Variants in PCDHGA3 observed in about 807,000 individuals in gnomAD.
PCDHGA3 encodes the protein protocadherin gamma subfamily A, 3.
PCDHGA3 carries 40 observed loss-of-function variants against 58.5 expected under a neutral mutation model. That is an observed-to-expected ratio of 0.68 (90% confidence interval 0.53 to 0.89). PCDHGA3 has a LOEUF of 0.89. Ranked by LOEUF, PCDHGA3 falls within the 40% of genes least tolerant of loss-of-function variation. The pLI is 0.00. For synonymous variants in PCDHGA3, 530 were observed against 525.7 expected, an observed-to-expected ratio of 1.01 and a Z score of -0.11; for missense variants, 1,223 against 1,195.9, an observed-to-expected ratio of 1.02 and a Z score of -0.33.
chr5:141,439,190 CA>C (rs200519543), intron 1 of PCDHGA3, among the ~76,000 whole-genome samples: 2,445 of 111,432 alleles, frequency 0.022, 39 homozygotes, highest in African/African-American at 0.057. Flanking sequence ...GAGACTCTGA[CA>C]AAAAAAAAAA....
At chr5:141,408,353 G>A (rs1218585930) in intron 1 of PCDHGA3, 1 of 1,613,816 alleles carries the variant, frequency 6.2e-7, no homozygotes, top group Non-Finnish European at 8.5e-7. Flanking sequence ...GGGGAACCTC[G>A]CTAAGGATCT....
intron 1 of PCDHGA3, chr5:141,409,322 C>A (rs1161029892): frequency 6.2e-7 from 1 of 1,613,988 alleles, no homozygotes; most frequent in Non-Finnish European, 8.5e-7. Flanking sequence ...AACACGGGAT[C>A]TGGATTTCGG....
chr5:141,380,347 T>G (rs1408007452), intron 1 of PCDHGA3, among the ~76,000 whole-genome samples: 1 of 152,204 alleles, frequency 6.6e-6, no homozygotes, highest in Non-Finnish European at 1.5e-5. Context: ...AACTGTTTTG[T>G]TGTTTGTTTT....
chr5:141,431,833 AAACTCT>A lies in PCDHGA3; in HGVS notation c.2425-62973_2425-62968del. The A allele has an allele frequency of 1.2e-6, 2 of 1,614,278 alleles. No homozygotes were observed. Among genetic ancestry groups the A allele is most frequent in the Non-Finnish European group, 1.7e-6 (2 of 1,180,044 alleles). ...CCTCTCTCGCCAGCTCGGTTCCCGA[AAACTCT>A]CCCAGAGGGACATTAATTGCCCTTT... is the stretch of plus-strand genomic sequence containing the variant. On this transcript the variant is annotated intron_variant, in intron 1 of 3. Transcript: ENST00000253812. This position sits in a 1 kb window ranked among gnomAD's most constrained non-coding sequence, Gnocchi z 4.8.
chr5:141,393,475 C>G lies in PCDHGA3; in HGVS notation c.2424+47018C>G, dbSNP rs200282311. The G allele has an allele frequency of 1.2e-3, 1,881 of 1,614,046 alleles. 9 individuals are homozygous for G. Among genetic ancestry groups the G allele is most frequent in the South Asian group, 3.4e-3 (312 of 91,088 alleles). On this transcript the variant is annotated intron_variant, in intron 1 of 3. Coordinates refer to ENST00000253812, the MANE Select transcript of PCDHGA3 (RefSeq NM_018916.4). ...ACGGCCTCGGATGGCGGCAAGCCGC[C>G]TCGCTCTAGCACAGTGCGCATCCAC... is the stretch of plus-strand genomic sequence containing the variant.
chr5:141,355,518 G>T, intron 1 of PCDHGA3: 2 of 1,614,050 alleles, frequency 1.2e-6, no homozygotes, highest in African/African-American at 2.7e-5. Context: ...TGACAAACCT[G>T]GAGATTCTTC....
intron 2 of PCDHGA3, among the ~76,000 whole-genome samples, chr5:141,499,869 G>A (rs1247615457): frequency 3.3e-5 from 5 of 151,938 alleles, no homozygotes; most frequent in Non-Finnish European, 5.9e-5. Context: ...TGTATTTTCA[G>A]TACAAACAGG....
chr5:141,508,994 A>G (rs2099873731), intron 3 of PCDHGA3, among the ~76,000 whole-genome samples: 1 of 152,052 alleles, frequency 6.6e-6, no homozygotes, highest in South Asian at 2.1e-4. Flanking sequence ...CAGCTGGGGT[A>G]GGAGAGGAGG....
intron 1 of PCDHGA3, chr5:141,408,968 C>T (rs752629281): frequency 6.2e-7 from 1 of 1,613,702 alleles, no homozygotes; most frequent in Non-Finnish European, 8.5e-7. Context: ...TGAAAATCTG[C>T]CCCCTGGGTC....
chr5:141,494,076 G>A (rs538740530), intron 1 of PCDHGA3, among the ~76,000 whole-genome samples: 24 of 152,234 alleles, frequency 1.6e-4, no homozygotes, highest in African/African-American at 4.3e-4. Flanking sequence ...ATCCCTCCCC[G>A]CTGCATCCCT....
intron 1 of PCDHGA3, among the ~76,000 whole-genome samples, chr5:141,483,722 C>G (rs1043315057): frequency 6.6e-6 from 1 of 152,080 alleles, no homozygotes; most frequent in Non-Finnish European, 1.5e-5. Context: ...TATTGGTTCC[C>G]ACCATAGTCA....
At chr5:141,423,758 G>GGGC (rs1554116874) in intron 1 of PCDHGA3, 82 of 366,752 alleles carry the variant, frequency 2.2e-4, no homozygotes, top group Middle Eastern at 4.2e-4. Context: ...TTTGGGGGGG[G>GGGC]GGTGGGGCGG....
chr5:141,464,053 T>C (rs111614367), intron 1 of PCDHGA3, among the ~76,000 whole-genome samples: 9,857 of 152,054 alleles, frequency 0.065, 668 homozygotes, highest in African/African-American at 0.17. Flanking sequence ...TCACCTGAGG[T>C]CAGGAGTTCA....
chr5:141,410,671 C>G (rs771368781), intron 1 of PCDHGA3: 1 of 1,563,260 alleles, frequency 6.4e-7, no homozygotes, highest in South Asian at 1.2e-5. Context: ...ACTAGTTTCT[C>G]ATATTTTAGG....
At chr5:141,357,549 G>A in intron 1 of PCDHGA3, 2 of 1,614,218 alleles carry the variant, frequency 1.2e-6, no homozygotes, top group Non-Finnish European at 1.7e-6. Context: ...TCAGCCGGGA[G>A]AGTTGTGAGA....
chr5:141,438,165 G>GA (rs1252266607), intron 1 of PCDHGA3, among the ~76,000 whole-genome samples: 2 of 152,076 alleles, frequency 1.3e-5, no homozygotes, highest in East Asian at 3.8e-4. Flanking sequence ...AAGCTAATTG[G>GA]AAAAAATATT....
At chr5:141,510,534 C>T (rs1187165551) in intron 3 of PCDHGA3, among the ~76,000 whole-genome samples, 2 of 152,126 alleles carry the variant, frequency 1.3e-5, no homozygotes, top group African/African-American at 2.4e-5. Context: ...AGAGAAATAC[C>T]AGCGAATGTG....
intron 1 of PCDHGA3, chr5:141,375,243 C>G: frequency 6.2e-7 from 1 of 1,613,896 alleles, no homozygotes; most frequent in Non-Finnish European, 8.5e-7. Flanking sequence ...TGTTCCATCC[C>G]GAGAAGTCTC....
Position 141,485,447 on chromosome 5 carries a change from C to G in PCDHGA3, c.2425-9360C>G, listed in dbSNP as rs1233800346. 6.2e-7 allele frequency: 1 copy of G among 1,614,144 alleles called. No individual in the cohort carries two copies. The highest frequency in any genetic ancestry group is 8.5e-7 in the Non-Finnish European group (1 of 1,180,036). On this transcript the variant is annotated intron_variant, in intron 1 of 3. Transcript: ENST00000253812. This position sits in a 1 kb window ranked among gnomAD's most constrained non-coding sequence, Gnocchi z 5.7. ...CCTGCTCATCAAGAACCCAATCGAC[C>G]GAGAGGCACTGTGTGGGCTCAGTGC... is the stretch of plus-strand genomic sequence containing the variant.
Sources: allele counts gnomAD v4.1 joint callset (sites outside exome capture counted in the v4.1 genomes callset), GRCh38; gene constraint gnomAD v4.1.1; non-coding constraint Gnocchi (gnomAD v3.1); transcripts MANE v1.5; gene names NCBI Gene and HGNC (gene_info 2026-07-23, HGNC 2026-07-21).